Variants in PLEK2 observed in about 807,000 individuals in gnomAD.
PLEK2 encodes pleckstrin 2.
In PLEK2, 29 loss-of-function variants were observed where a neutral mutation model predicts 43.8. The ratio of observed to expected loss-of-function variants is 0.66; its 90% CI spans 0.49 to 0.90. PLEK2 has a LOEUF of 0.90. PLEK2 is among the 40% of genes least tolerant of loss of function. The probability of loss-of-function intolerance (pLI) is 0.00; values close to 1 mark genes in which losing one functional copy is unlikely to be tolerated. For missense variants in PLEK2, 398 were observed against 448.1 expected, an observed-to-expected ratio of 0.89 and a Z score of 1.01; for synonymous variants, 162 against 173.2, an observed-to-expected ratio of 0.94 and a Z score of 0.51.
intron 1 of PLEK2, among the ~76,000 whole-genome samples, chr14:67,402,512 GTCTT>G (rs1343589574): frequency 3.3e-5 from 5 of 152,136 alleles, no homozygotes; most frequent in Non-Finnish European, 7.3e-5. Flanking sequence ...TAAATAGTAA[GTCTT>G]TCTCATTCTT....
intron 3 of PLEK2, 135 bp from the exon 4 acceptor site, chr14:67,393,376 G>A: frequency 2.8e-6 from 2 of 710,600 alleles, no homozygotes; most frequent in South Asian, 3.2e-5. Flanking sequence ...AAGGGGTGTA[G>A]GAAAGCAGCC....
intron 2 of PLEK2, 33 bp downstream of exon 2, chr14:67,397,627 CAG>C (rs1566627270): frequency 1.3e-6 from 2 of 1,573,206 alleles, no homozygotes; most frequent in Admixed American, 3.5e-5. Flanking sequence ...GGCTGTGGAA[CAG>C]AGAGGAGCTG....
chr14:67,400,742 C>T (rs1397538165), intron 1 of PLEK2, among the ~76,000 whole-genome samples: 1 of 151,966 alleles, frequency 6.6e-6, no homozygotes, highest in Non-Finnish European at 1.5e-5. Flanking sequence ...AATCCCAGCA[C>T]TTCGGGAGGC....
chr14:67,410,447 G>A (rs1337724755), intron 1 of PLEK2, among the ~76,000 whole-genome samples: 1 of 152,144 alleles, frequency 6.6e-6, no homozygotes, highest in Non-Finnish European at 1.5e-5. Flanking sequence ...CCCATGTGTA[G>A]TCTGAGGTGC....
At position 67,387,417 on chromosome 14, in the gene PLEK2, A is replaced by G; in HGVS notation, c.974T>C (p.Ile325Thr). Residue 325 changes from isoleucine to threonine, a missense_variant, in exon 9 of 9, where the codon ATT becomes ACT. Transcript: ENST00000216446. ...GNVQGNLFKV[I>T]TKDDTHYYIQ... ...GTAATAGTGTGTGTCATCCTTAGTA[A>G]TCACTTTGAAGAGGTTTCCCTGGAC... 1 of 1,610,396 alleles carries G rather than the reference A, an allele frequency of 6.2e-7. No homozygotes were observed. Among genetic ancestry groups the G allele is most frequent in the South Asian group, 1.1e-5 (1 of 90,256 alleles).
At position 67,392,221 on chromosome 14, in the gene PLEK2, T is replaced by G. The variant is rs182439141; in HGVS notation, c.771+105A>C. ...TTGCTTTCGTAGATTTTGCTGTAAT[T>G]GGTGCCCTCCAGCAGCCTCAGCCCT... On this transcript the variant is annotated intron_variant, in intron 6 of 8. Transcript: ENST00000216446. 3,330 of 790,562 alleles carry G rather than the reference T, an allele frequency of 4.2e-3. 121 individuals carry two copies. In the Admixed American group the frequency reaches 0.058, roughly 14 times the overall value. The allele number at this position is 790,562 out of a possible 1,614,324, so 49.0% of individuals were successfully genotyped here.
Position 67,389,041 on chromosome 14 carries a change from G to A in PLEK2, c.856-739C>T, listed in dbSNP as rs138411103. ...CATAGGACATCGTTACACAAATCTA[G>A]TATGTGCCTAGCAAGAAACTTCGTG... On this transcript the variant is annotated intron_variant, in intron 7 of 8. Transcript: ENST00000216446. Among the ~76,000 whole-genome samples the A allele has an allele frequency of 4.7e-3, 713 of 151,704 alleles. 6 individuals are homozygous for A. Among genetic ancestry groups the A allele is most frequent in the Middle Eastern group, 0.031 (9 of 294 alleles).
intron 3 of PLEK2, among the ~76,000 whole-genome samples, chr14:67,394,107 G>T (rs998034964): frequency 2.6e-5 from 4 of 152,132 alleles, no homozygotes; most frequent in African/African-American, 9.7e-5. Context: ...GTTCAGTTAT[G>T]CCTCCAAATT....
chr14:67,408,920 T>C (rs2086098877), intron 1 of PLEK2, among the ~76,000 whole-genome samples: 1 of 152,120 alleles, frequency 6.6e-6, no homozygotes, highest in African/African-American at 2.4e-5. Flanking sequence ...TTTCAGTTTT[T>C]TCGCCACATA....
chr14:67,395,390 T>TG lies in PLEK2; in HGVS notation c.389+11dup, dbSNP rs1365225922. On this transcript the variant is annotated intron_variant, in intron 3 of 8. Transcript: ENST00000216446. ...AGAGGCTGCCACAGAGCCCGGCAAGTGGGGCACTCACTGCAGGCTGATGTG... is the reference window on the plus strand; with the variant it reads ...AGAGGCTGCCACAGAGCCCGGCAAGTGGGGGCACTCACTGCAGGCTGATGTG... 2 of 1,612,054 alleles carry TG rather than the reference T, an allele frequency of 1.2e-6. No individual in the cohort carries two copies. The highest frequency in any genetic ancestry group is 3.3e-5 in the Admixed American group (2 of 59,978).
chr14:67,397,885 GGGAGGGGGT>G, intron 1 of PLEK2, 59 bp from the exon 2 acceptor site: 2 of 1,415,672 alleles, frequency 1.4e-6, no homozygotes. Context: ...ATGGTGTTCA[GGGAGGGGGT>G]GTCTGGTGGC....
chr14:67,390,595 A>G lies in PLEK2; in HGVS notation c.855+68T>C. 3 of 1,110,494 alleles carry G rather than the reference A, an allele frequency of 2.7e-6. No individual in the cohort carries two copies. The Admixed American group carries it at 5.1e-5, about 19-fold the overall frequency. The allele number at this position is 1,110,494 out of a possible 1,614,324, so 68.8% of individuals were successfully genotyped here. A position where few individuals can be genotyped will look rare whatever the true frequency, so the allele number is the denominator to read the frequency against. ...CAGGATATCCAGCCAGCTGCCCGCC[A>G]TGCCAGGAGAGGAGTGTCTGGGGGC... is the stretch of plus-strand genomic sequence containing the variant. On this transcript the variant is annotated intron_variant, in intron 7 of 8. Transcript: ENST00000216446.
At chr14:67,411,984 C>G in intron 1 of PLEK2, 34 bp downstream of exon 1, 1 of 1,524,066 alleles carries the variant, frequency 6.6e-7, no homozygotes, top group Non-Finnish European at 8.8e-7. Flanking sequence ...GGGGCCCCAC[C>G]CGGGCAATGT....
chr14:67,395,528 G>C lies in PLEK2; in HGVS notation c.263C>G (p.Ser88Cys). ...GGCCCAGGCATCCCGCTCCTCTCGA[G>C]AACAGGCCTCCAGGAAGTACTCCGT... ...TSTEYFLEAC[S>C]REERDAWAFE... The change falls in exon 3 of 9, where the codon TCT becomes TGT. Residue 88 changes from serine (S) to cysteine (C), a missense_variant. Transcript: ENST00000216446. The C allele has an allele frequency of 6.2e-7, 1 of 1,614,174 alleles. No individual in the cohort carries two copies. Among genetic ancestry groups the C allele is most frequent in the Non-Finnish European group, 8.5e-7 (1 of 1,180,008 alleles).
chr14:67,398,874 G>T (rs1008778598), intron 1 of PLEK2, among the ~76,000 whole-genome samples: 1 of 152,140 alleles, frequency 6.6e-6, no homozygotes, highest in Non-Finnish European at 1.5e-5. Context: ...GTTTTGTTTG[G>T]CCTTGCTGAA....
At chr14:67,391,271 A>ATGTGTGTG (rs61156733) in intron 6 of PLEK2, among the ~76,000 whole-genome samples, 1,908 of 143,872 alleles carry the variant, frequency 0.013, 40 homozygotes, top group African/African-American at 0.042. Context: ...AGCAGCTGAT[A>ATGTGTGTG]TGTGTGTGTG....
chr14:67,397,927 G>A (rs1464236147), intron 1 of PLEK2, 101 bp from the exon 2 acceptor site: 2 of 912,156 alleles, frequency 2.2e-6, no homozygotes, highest in Non-Finnish European at 1.6e-6. Flanking sequence ...ACTGTGCTGT[G>A]GAAATCAGTC....
intron 8 of PLEK2, 24 bp downstream of exon 8, chr14:67,388,200 G>C: frequency 6.6e-7 from 1 of 1,526,674 alleles, no homozygotes; most frequent in Non-Finnish European, 9.1e-7. Context: ...AGATCTTCAG[G>C]CCAGGGCTGA....
chr14:67,407,280 C>A (rs1422655979), intron 1 of PLEK2, among the ~76,000 whole-genome samples: 1 of 151,894 alleles, frequency 6.6e-6, no homozygotes, highest in Non-Finnish European at 1.5e-5. Context: ...CATCACCACA[C>A]CTGGCTAATT....
Sources: gnomAD v4.1 joint callset for allele counts (sites outside exome capture counted in the v4.1 genomes callset) on GRCh38, gnomAD v4.1.1 for gene constraint, MANE v1.5 for transcripts, NCBI Gene and HGNC (gene_info 2026-07-23, HGNC 2026-07-21) for gene names.